The following SPHK2 variants were observed in gnomAD, a reference collection of about 807,000 sequenced individuals.
SPHK2 encodes the protein sphingosine kinase 2.
A neutral mutation model predicts 32.3 loss-of-function variants in SPHK2; 18 were observed. The ratio of observed to expected loss-of-function variants is 0.56; its 90% CI spans 0.39 to 0.83. The LOEUF (loss-of-function observed/expected upper bound fraction) is 0.83, where lower values mean the gene tolerates loss of function less well. SPHK2 is among the 40% of genes least tolerant of loss of function. The pLI is 0.00. For missense variants in SPHK2, 850 were observed against 908.7 expected (o/e 0.94, Z 0.83); for synonymous variants, 462 against 417.6 (o/e 1.11, Z -1.30).
chr19:48,625,512 T>C (rs1974572316), intron 2 of SPHK2: 2 of 1,234,504 alleles, frequency 1.6e-6, no homozygotes, highest in Non-Finnish European at 2.1e-6. Flanking sequence ...AAGCCCGTTA[T>C]CATCACCCAA....
chr19:48,628,234 G>A lies in SPHK2; in HGVS notation c.829G>A (p.Gly277Ser), dbSNP rs1331695105. 1.9e-6 allele frequency: 3 copies of A among 1,613,616 alleles called. No individual in the cohort carries two copies. The highest frequency in any genetic ancestry group is 1.3e-5 in the African/African-American group (1 of 74,924). ...GATGCCTGTGGGCATCCTCCCCTGC[G>A]GCTCGGGCAACGCGCTGGCCGGAGC... ...VKMPVGILPC[G>S]SGNALAGAVN... is the part of the protein sequence containing the mutation. Residue 277 changes from glycine (G) to serine (S), a missense_variant, in exon 6 of 7, where the codon GGC becomes AGC. By Grantham distance (56) the Gly-to-Ser change is moderately conservative. Coordinates refer to ENST00000245222, the MANE Select transcript of SPHK2 (RefSeq NM_020126.5). This position sits in a 1 kb window ranked among gnomAD's most constrained non-coding sequence, Gnocchi z 5.2.
rs1314421724 is a variant in SPHK2 at position 48,630,393 on chromosome 19, T to C, written c.*620T>C. ...AGGTCTATGCAATAAAGGCAGTCGC[T>C]TCATTCCTCTCAGACCTTCTGCCCT... On this transcript the variant is annotated 3_prime_UTR_variant, in exon 7 of 7. Transcript: ENST00000245222. The surrounding 1 kb of genome is among the most constrained non-coding windows in gnomAD (Gnocchi z 4.9). 4.3e-6 allele frequency: 6 copies of C among 1,386,168 alleles called. No homozygotes were observed. In the African/African-American group the frequency reaches 8.9e-5, roughly 20 times the overall value. The allele number at this position is 1,386,168 out of a possible 1,614,324, so 85.9% of individuals were successfully genotyped here.
At position 48,629,881 on chromosome 19, in the gene SPHK2, T is replaced by A; in HGVS notation, c.*108T>A. The A allele has an allele frequency of 6.9e-7, 1 of 1,454,606 alleles. No individual in the cohort carries two copies. Among genetic ancestry groups the A allele is most frequent in the Non-Finnish European group, 9.1e-7 (1 of 1,104,082 alleles). The allele number at this position is 1,454,606 out of a possible 1,614,324, so 90.1% of individuals were successfully genotyped here. Reference sequence around the variant, plus strand: ...GCTAGAGTTGTGGTGGCAGGGGCCCTGGCCCCGTCTCAGGATTGCGCTCGC... The same window carrying A: ...GCTAGAGTTGTGGTGGCAGGGGCCCAGGCCCCGTCTCAGGATTGCGCTCGC... On this transcript the variant is annotated 3_prime_UTR_variant, in exon 7 of 7. Transcript: ENST00000245222.
rs781658546 is a variant in SPHK2, at chr19:48,628,957, G to A, written c.1149G>A (p.Val383=). ...GCCTCTCCTACCTCCCCGCCACTGT[G>A]GAACCTGCCTCGCCCACCCCTGCCC... is the stretch of plus-strand genomic sequence containing the variant. ...RGRLSYLPAT[V]EPASPTPAHS... Residue 383 remains valine, a synonymous_variant, in exon 7 of 7, where the codon GTG becomes GTA. Transcript: ENST00000245222. This position sits in a 1 kb window ranked among gnomAD's most constrained non-coding sequence, Gnocchi z 5.2. 9.9e-6 allele frequency: 16 copies of A among 1,613,568 alleles called. No individual in the cohort carries two copies. In the Admixed American group the frequency reaches 1.8e-4, roughly 18 times the overall value.
At chr19:48,623,014 G>A (rs1383186335) in intron 2 of SPHK2, among the ~76,000 whole-genome samples, 4 of 151,452 alleles carry the variant, frequency 2.6e-5, no homozygotes, top group Non-Finnish European at 5.9e-5. Flanking sequence ...GGAGGCTGAG[G>A]CGGATGGATC....
rs181778460 is a variant in SPHK2 at position 48,620,246 on chromosome 19, G to C, written c.-113-156G>C. 15 of 462,450 alleles carry C rather than the reference G, an allele frequency of 3.2e-5. No homozygotes were observed. The Middle Eastern group carries it at 2.3e-3, about 70-fold the overall frequency. 28.6% of individuals were successfully genotyped at this position (462,450 alleles called of 1,614,324 possible). ...ATAGCATACATATTGTGTGCAACCAGATGGACTGGCTGGGGCAGTGATTAA... is the reference window on the plus strand; with the variant it reads ...ATAGCATACATATTGTGTGCAACCACATGGACTGGCTGGGGCAGTGATTAA... On this transcript the variant is annotated intron_variant, in intron 1 of 6. Transcript: ENST00000245222.
At position 48,626,182 on chromosome 19, in the gene SPHK2, TCAG is replaced by T; in HGVS notation, c.333_335del (p.Ala113del). The T allele has an allele frequency of 6.3e-7, 1 of 1,593,206 alleles. No homozygotes were observed. The highest frequency in any genetic ancestry group is 1.3e-5 in the African/African-American group (1 of 74,444). On this transcript the variant is annotated inframe_deletion, in exon 3 of 7. Transcript: ENST00000245222. ...CCTGCGAAGCCGCAGCCCCTCAGAC[TCAG>T]CGGCCTACTTCTGCATCTACACCTA...
chr19:48,630,155 T>C lies in SPHK2; in HGVS notation c.*382T>C. The C allele has an allele frequency of 8.0e-7, 1 of 1,242,616 alleles. No homozygotes were observed. The allele number at this position is 1,242,616 out of a possible 1,614,324, so 77.0% of individuals were successfully genotyped here. A position where few individuals can be genotyped will look rare whatever the true frequency, so the allele number is the denominator to read the frequency against. On this transcript the variant is annotated 3_prime_UTR_variant, in exon 7 of 7. Transcript: ENST00000245222. The surrounding 1 kb of genome is among the most constrained non-coding windows in gnomAD (Gnocchi z 4.9). The stretch of plus-strand genomic sequence containing the variant: ...TGGAATGTACTGGCTGGGGTAGGCC[T>C]CAGTGAGTCGGCCGGTCAGGGCCCG...
Position 48,628,248 on chromosome 19 carries a change from G to C in SPHK2, c.843G>C (p.Ala281=). The change falls in exon 6 of 7, where the codon GCG becomes GCC. Residue 281 remains alanine, a synonymous_variant. Transcript: ENST00000245222. The surrounding 1 kb of genome is among the most constrained non-coding windows in gnomAD (Gnocchi z 5.2). ...TCCTCCCCTGCGGCTCGGGCAACGC[G>C]CTGGCCGGAGCAGTGAACCAGCACG... is the stretch of plus-strand genomic sequence containing the variant. ...VGILPCGSGN[A]LAGAVNQHGG... The C allele has an allele frequency of 1.9e-6, 3 of 1,613,524 alleles. No individual in the cohort carries two copies. The highest frequency in any genetic ancestry group is 2.5e-6 in the Non-Finnish European group (3 of 1,179,908).
At chr19:48,626,488 A>C in intron 3 of SPHK2, 126 bp downstream of exon 3, 1 of 1,220,544 alleles carries the variant, frequency 8.2e-7, no homozygotes, top group Non-Finnish European at 1.1e-6. Context: ...ATCCGTTAGG[A>C]GTGATACACA....
Position 48,629,956 on chromosome 19 carries a change from A to T in SPHK2, c.*183A>T. 7.1e-7 allele frequency: 1 copy of T among 1,415,748 alleles called. No homozygotes were observed. Among genetic ancestry groups the T allele is most frequent in the African/African-American group, 1.4e-5 (1 of 69,570 alleles). 87.7% of individuals were successfully genotyped at this position (1,415,748 alleles called of 1,614,324 possible). On this transcript the variant is annotated 3_prime_UTR_variant, in exon 7 of 7. Transcript: ENST00000245222. ...GGAAGGTGGGCGTCGTCACGGTTAA[A>T]GAGAAATGGGCTCGTCCCGAGGGTA... is the stretch of plus-strand genomic sequence containing the variant.
In SPHK2 at chr19:48,629,798, GGGGGCGGGGCCTACATTCCAAT is replaced by G. The variant is rs2030427312; in HGVS notation, c.*33_*54del. 5.9e-6 allele frequency: 9 copies of G among 1,534,446 alleles called. No individual in the cohort carries two copies. The highest frequency in any genetic ancestry group is 1.8e-4 in the Middle Eastern group (1 of 5,604). ...AAACTAAACAAGCTTGGTACCCGCCGGGGGCGGGGCCTACATTCCAATGGGGCGGAGCCTGAGCTAGGGGGTG... is the reference window on the plus strand; with the variant it reads ...AAACTAAACAAGCTTGGTACCCGCCGGGGGCGGAGCCTGAGCTAGGGGGTG... On this transcript the variant is annotated 3_prime_UTR_variant, in exon 7 of 7. Transcript: ENST00000245222.
intron 2 of SPHK2, among the ~76,000 whole-genome samples, chr19:48,621,994 G>A (rs1181178050): frequency 6.6e-6 from 1 of 152,036 alleles, no homozygotes; most frequent in Admixed American, 6.6e-5. Context: ...AGTGGCTCAC[G>A]CCTGTAATCC....
intron 2 of SPHK2, among the ~76,000 whole-genome samples, chr19:48,622,273 TAAAAAA>T (rs796524993): frequency 2.0e-5 from 2 of 97,706 alleles, no homozygotes; most frequent in African/African-American, 1.1e-4. Flanking sequence ...AAAAAAAAAA[TAAAAAA>T]AAATAAAGGA....
At chr19:48,624,541 G>A (rs1443191759) in intron 2 of SPHK2, 2 of 152,526 alleles carry the variant, frequency 1.3e-5, no homozygotes, top group East Asian at 3.9e-4. Context: ...AGATGGAAAT[G>A]GAAAACCTGG....
In SPHK2 at chr19:48,628,663, C is replaced by T. The variant is rs1356758140; in HGVS notation, c.873-18C>T. 1 of 1,605,114 alleles carries T rather than the reference C, an allele frequency of 6.2e-7. No individual in the cohort carries two copies. The highest frequency in any genetic ancestry group is 8.5e-7 in the Non-Finnish European group (1 of 1,177,546). ...TTGCTCCTTCCTTCTGTGTGTCCGTCCATCTCCGGCTGTGAAGATTTGAGC... is the reference window on the plus strand; with the variant it reads ...TTGCTCCTTCCTTCTGTGTGTCCGTTCATCTCCGGCTGTGAAGATTTGAGC... On this transcript the variant is annotated intron_variant, in intron 6 of 6. Coordinates refer to ENST00000245222, the MANE Select transcript of SPHK2 (RefSeq NM_020126.5). The surrounding 1 kb of genome is among the most constrained non-coding windows in gnomAD (Gnocchi z 5.2).
At position 48,630,327 on chromosome 19, in the gene SPHK2, T is replaced by G; in HGVS notation, c.*554T>G. On this transcript the variant is annotated 3_prime_UTR_variant, in exon 7 of 7. Transcript: ENST00000245222. This position sits in a 1 kb window ranked among gnomAD's most constrained non-coding sequence, Gnocchi z 4.9. ...GGGAAATTCATATCCCCTGTTCGTC[T>G]CATGCGCGTCCTCCGTCCCCAATCT... 7.7e-7 allele frequency: 1 copy of G among 1,306,244 alleles called. No homozygotes were observed. The highest frequency in any genetic ancestry group is 1.5e-5 in the African/African-American group (1 of 65,432). The allele number at this position is 1,306,244 out of a possible 1,614,324, so 80.9% of individuals were successfully genotyped here.
rs1379942732 is a variant in SPHK2 at position 48,629,984 on chromosome 19, G to C, written c.*211G>C. 2.1e-6 allele frequency: 3 copies of C among 1,398,642 alleles called. No homozygotes were observed. Among genetic ancestry groups the C allele is most frequent in the Non-Finnish European group, 2.8e-6 (3 of 1,080,730 alleles). 86.6% of individuals were successfully genotyped at this position (1,398,642 alleles called of 1,614,324 possible). A position where few individuals can be genotyped will look rare whatever the true frequency, so the allele number is the denominator to read the frequency against. On this transcript the variant is annotated 3_prime_UTR_variant, in exon 7 of 7. Transcript: ENST00000245222. ...GAAATGGGCTCGTCCCGAGGGTAGT[G>C]CCTGATCAATGAGGGCGGGGCCTGG...
intron 3 of SPHK2, 43 bp from the exon 4 acceptor site, chr19:48,627,649 G>T: frequency 6.6e-7 from 1 of 1,525,536 alleles, no homozygotes; most frequent in Non-Finnish European, 8.8e-7. Flanking sequence ...AAGGTGGGGG[G>T]CCTGGGTCAC....
Sources: gnomAD v4.1 joint callset for allele counts (sites outside exome capture counted in the v4.1 genomes callset) on GRCh38, gnomAD v4.1.1 for gene constraint, Gnocchi (gnomAD v3.1) non-coding constraint, MANE v1.5 for transcripts, NCBI Gene and HGNC (gene_info 2026-07-23, HGNC 2026-07-21) for gene names.